Variants in DNAH9 observed in about 807,000 individuals in gnomAD.
DNAH9 encodes dynein axonemal heavy chain 9.
Under a neutral mutation model 471.6 loss-of-function variants are expected in DNAH9, and 345 were observed. The observed-to-expected ratio is 0.73, with a 90% CI of 0.67 to 0.80. The LOEUF (loss-of-function observed/expected upper bound fraction) is 0.80, where lower values mean the gene tolerates loss of function less well. Among genes scored for constraint, DNAH9 ranks in the 30% least tolerant of loss-of-function variants. The probability of loss-of-function intolerance (pLI) is 0.00; values close to 1 mark genes in which losing one functional copy is unlikely to be tolerated. For synonymous variants in DNAH9, 2,093 were observed against 2,123.6 expected (o/e 0.99, Z 0.40); for missense variants, 5,407 against 5,609.2 (o/e 0.96, Z 1.15).
intron 27 of DNAH9, among the ~76,000 whole-genome samples, chr17:11,725,371 G>A (rs1228524669): frequency 1.3e-5 from 2 of 152,154 alleles, no homozygotes; most frequent in Admixed American, 1.3e-4. Context: ...ATTGCTCATT[G>A]TCTGTTTTCC....
At chr17:11,726,544 C>T (rs1324873520) in intron 27 of DNAH9, among the ~76,000 whole-genome samples, 1 of 152,186 alleles carries the variant, frequency 6.6e-6, no homozygotes, top group Non-Finnish European at 1.5e-5. Context: ...ACTTTCACCT[C>T]TTTGGCAAAA....
intron 14 of DNAH9, among the ~76,000 whole-genome samples, chr17:11,664,292 A>T (rs1439835734): frequency 1.4e-4 from 21 of 149,816 alleles, no homozygotes; most frequent in Admixed American, 1.4e-3. Context: ...AGAGAGAGTG[A>T]GAGAGAGAGA....
intron 19 of DNAH9, among the ~76,000 whole-genome samples, chr17:11,682,835 A>G (rs921117097): frequency 6.6e-6 from 1 of 152,140 alleles, no homozygotes; most frequent in Non-Finnish European, 1.5e-5. Flanking sequence ...TTTCCTTTCA[A>G]GCAATCATGA....
chr17:11,841,140 CTT>C (rs1377567396), intron 49 of DNAH9, among the ~76,000 whole-genome samples: 3 of 152,300 alleles, frequency 2.0e-5, no homozygotes, highest in African/African-American at 7.2e-5. Context: ...AATGAAATGA[CTT>C]TTCAAATTCT....
At position 11,640,275 on chromosome 17, in the gene DNAH9, T is replaced by TC; in HGVS notation, c.1796dup (p.Val600GlyfsTer50). ...TGTCTGTGCCATGTCTCCAGGGTTC[T>TC]CCCCGGTGCACAAGAACATGCCCAC... On this transcript the variant is annotated frameshift_variant, in exon 10 of 69. Coordinates refer to ENST00000262442, the MANE Select transcript of DNAH9 (RefSeq NM_001372.4). LOFTEE classifies it high-confidence loss of function. 6.2e-7 allele frequency: 1 copy of TC among 1,610,448 alleles called. No homozygotes were observed.
In DNAH9 at chr17:11,719,331, C is replaced by T. The variant is rs1258066155; in HGVS notation, c.5553-3C>T. On this transcript the variant is annotated splice_polypyrimidine_tract_variant and splice_region_variant and intron_variant, in intron 26 of 68. Coordinates refer to ENST00000262442, the MANE Select transcript of DNAH9 (RefSeq NM_001372.4). ...ATGACCTATGCCCTCCCGTGTTTGGCAGGTGCTACATCACCCTCACCCAGT... is the reference window on the plus strand; with the variant it reads ...ATGACCTATGCCCTCCCGTGTTTGGTAGGTGCTACATCACCCTCACCCAGT... 6.2e-7 allele frequency: 1 copy of T among 1,613,478 alleles called. No individual in the cohort carries two copies. The highest frequency in any genetic ancestry group is 1.1e-5 in the South Asian group (1 of 91,010).
At chr17:11,762,182 A>G (rs1334121390) in intron 35 of DNAH9, among the ~76,000 whole-genome samples, 4 of 152,236 alleles carry the variant, frequency 2.6e-5, no homozygotes, top group Non-Finnish European at 4.4e-5. Context: ...ATTCAAAACC[A>G]GCACAAATGC....
rs963372864 is a variant in DNAH9 at position 11,704,779 on chromosome 17, C to T, written c.5392-246C>T. 2.6e-5 allele frequency among the ~76,000 whole-genome samples: 4 copies of T among 152,242 alleles called. No individual in the cohort carries two copies. In the East Asian group the frequency reaches 7.7e-4, roughly 29 times the overall value. ...TGTATTTTTAGTAGAGACGGGGTTT[C>T]TCCATGTTGGTCAGGCTGGTCTCAA... On this transcript the variant is annotated intron_variant, in intron 25 of 68. Transcript: ENST00000262442.
intron 62 of DNAH9, 50 bp from the exon 63 acceptor site, chr17:11,929,816 A>C: frequency 6.7e-7 from 1 of 1,488,924 alleles, no homozygotes; most frequent in Non-Finnish European, 9.2e-7. Flanking sequence ...TACTGCTAAC[A>C]GAGCTAAGCA....
intron 61 of DNAH9, among the ~76,000 whole-genome samples, chr17:11,908,112 T>C (rs2151017565): frequency 6.6e-6 from 1 of 152,280 alleles, no homozygotes; most frequent in South Asian, 2.1e-4. Context: ...AGGTATTGGT[T>C]CCAGTCCTTG....
chr17:11,633,671 G>A (rs2073109146), intron 8 of DNAH9, among the ~76,000 whole-genome samples: 1 of 152,220 alleles, frequency 6.6e-6, no homozygotes, highest in Non-Finnish European at 1.5e-5. Flanking sequence ...GCTTGCATGT[G>A]TCTACAAAAT....
At chr17:11,810,944 T>C (rs370434900) in intron 45 of DNAH9, among the ~76,000 whole-genome samples, 1 of 152,234 alleles carries the variant, frequency 6.6e-6, no homozygotes, top group African/African-American at 2.4e-5. Context: ...CTGTGCAAGA[T>C]AGGACTTCAA....
At position 11,617,456 on chromosome 17, in the gene DNAH9, A is replaced by G; in HGVS notation, c.950A>G (p.Gln317Arg). The G allele has an allele frequency of 6.2e-7, 1 of 1,614,196 alleles. No individual in the cohort carries two copies. Among genetic ancestry groups the G allele is most frequent in the Non-Finnish European group, 8.5e-7 (1 of 1,180,018 alleles). The change falls in exon 5 of 69, where the codon CAG becomes CGG. Residue 317 changes from glutamine to arginine, a missense_variant. Gln to Arg is a conservative substitution (Grantham distance 43). Around this residue, in one of 3 missense-constraint regions of DNAH9, gnomAD observed 767 missense variants for 692.5 expected, o/e 1.11. Transcript: ENST00000262442. ...ATCCATGTGCACCTGATACCGCTCC[A>G]GCGCCACCTGGAAGCTCTGGAGAAT... Reference protein sequence around the residue: ...QDIHVHLIPLQRHLEALENAE... With the variant: ...QDIHVHLIPLRRHLEALENAE...
chr17:11,869,218 G>A lies in DNAH9; in HGVS notation c.10018G>A (p.Val3340Met). 6.2e-7 allele frequency: 1 copy of A among 1,613,838 alleles called. No homozygotes were observed. Residue 3340 changes from valine to methionine, a missense_variant, in exon 51 of 69, where the codon GTG (valine) becomes ATG (methionine). By Grantham distance (21) the Val-to-Met change is conservative. Around this residue, in one of 3 missense-constraint regions of DNAH9, gnomAD observed 4,636 missense variants for 4,900.3 expected, o/e 0.95. Coordinates refer to ENST00000262442, the MANE Select transcript of DNAH9 (RefSeq NM_001372.4). ...ACTCAAATGTCAGCAAGAAGCCGAA[G>A]TGACCGCAGTCACCATCTCCCTTGC... ...DKLKCQQEAE[V>M]TAVTISLANR...
chr17:11,745,561 C>T (rs1455384762), intron 31 of DNAH9, among the ~76,000 whole-genome samples: 1 of 152,138 alleles, frequency 6.6e-6, no homozygotes, highest in Non-Finnish European at 1.5e-5. Context: ...AGAAACCCGA[C>T]AACACGCAAG....
intron 24 of DNAH9, among the ~76,000 whole-genome samples, chr17:11,702,628 G>A (rs930151057): frequency 1.3e-5 from 2 of 152,170 alleles, no homozygotes; most frequent in Non-Finnish European, 2.9e-5. Flanking sequence ...TGGAAACCAA[G>A]CAAGAAACTG....
intron 33 of DNAH9, among the ~76,000 whole-genome samples, chr17:11,755,591 T>A (rs1597597927): frequency 6.6e-6 from 1 of 152,180 alleles, no homozygotes; most frequent in Non-Finnish European, 1.5e-5. Flanking sequence ...TCTTTTCCTT[T>A]AAGAGTTCCA....
Position 11,747,677 on chromosome 17 carries a change from G to T in DNAH9, c.6521G>T (p.Arg2174Leu). 6.2e-7 allele frequency: 1 copy of T among 1,614,100 alleles called. No individual in the cohort carries two copies. The highest frequency in any genetic ancestry group is 8.5e-7 in the Non-Finnish European group (1 of 1,180,018). ...AAGACCTATCAGATCATGAAACGGC[G>T]CCCCGTCTGGACTGACCTCAATCCC... ...LHKTYQIMKRRPVWTDLNPKA... is the reference protein window; with the variant it reads ...LHKTYQIMKRLPVWTDLNPKA... The change falls in exon 32 of 69, where the codon CGC (arginine) becomes CTC (leucine). Residue 2174 changes from arginine to leucine, a missense_variant. Arg to Leu is a moderately radical substitution (Grantham distance 102). This residue lies in a region of DNAH9 where 4,636 missense variants were observed against 4,900.3 expected (regional missense o/e 0.95). Coordinates refer to ENST00000262442, the MANE Select transcript of DNAH9 (RefSeq NM_001372.4).
chr17:11,883,445 G>A (rs1373037866), intron 55 of DNAH9, 141 bp from the exon 56 acceptor site: 32 of 1,188,516 alleles, frequency 2.7e-5, no homozygotes, highest in Middle Eastern at 2.9e-4. Flanking sequence ...CTTGTCTCCT[G>A]CTCATGGTCT....
Sources: gnomAD v4.1 joint callset for allele counts (sites outside exome capture counted in the v4.1 genomes callset) on GRCh38, gnomAD v4.1.1 for gene constraint, gnomAD v4.1.1 regional missense constraint, MANE v1.5 for transcripts, NCBI Gene and HGNC (gene_info 2026-07-23, HGNC 2026-07-21) for gene names.